The following RIPK2 variants were observed in gnomAD, a reference collection of about 807,000 sequenced individuals.
RIPK2 encodes receptor interacting serine/threonine kinase 2.
A neutral mutation model predicts 60.9 loss-of-function variants in RIPK2; 38 were observed. The ratio of observed to expected loss-of-function variants is 0.62; its 90% CI spans 0.48 to 0.82. The LOEUF is 0.82. Among genes scored for constraint, RIPK2 ranks in the 40% least tolerant of loss-of-function variants. RIPK2 has a pLI of 0.00. For missense variants in RIPK2, 518 were observed against 647.0 expected (o/e 0.80, Z 2.16); for synonymous variants, 225 against 223.4 (o/e 1.01, Z -0.06).
chr8:89,762,842 G>T lies in RIPK2; in HGVS notation c.187G>T (p.Val63Phe). ...TTTTTTTCTTAGTGAAAGAAAGGATGTCTTAAGAGAAGCTGAAATTTTACA... is the reference window on the plus strand; with the variant it reads ...TTTTTTTCTTAGTGAAAGAAAGGATTTCTTAAGAGAAGCTGAAATTTTACA... ...TPLLDSERKD[V>F]LREAEILHKA... Residue 63 changes from valine (V) to phenylalanine (F), a missense_variant, in exon 2 of 11, where the codon GTC (valine) becomes TTC (phenylalanine). Val to Phe is a conservative substitution (Grantham distance 50). Coordinates refer to ENST00000220751, the MANE Select transcript of RIPK2 (RefSeq NM_003821.6). 1 of 1,429,692 alleles carries T rather than the reference G, an allele frequency of 7.0e-7. No individual in the cohort carries two copies. 88.6% of individuals were successfully genotyped at this position (1,429,692 alleles called of 1,614,324 possible).
In RIPK2 at chr8:89,758,042, G is replaced by C. The variant is rs1000468543; in HGVS notation, c.-19G>C. ...CGCAGCAGGGGGCACACCCGGAACC[G>C]GCCTGAGCGCCCGGGACCATGAACG... On this transcript the variant is annotated 5_prime_UTR_variant, in exon 1 of 11. Transcript: ENST00000220751. 1 of 1,566,228 alleles carries C rather than the reference G, an allele frequency of 6.4e-7. No homozygotes were observed. The highest frequency in any genetic ancestry group is 1.2e-5 in the South Asian group (1 of 85,384).
At chr8:89,773,259 A>C (rs1293168411) in intron 6 of RIPK2, among the ~76,000 whole-genome samples, 2 of 152,140 alleles carry the variant, frequency 1.3e-5, no homozygotes. Flanking sequence ...TAGACTAATT[A>C]AGGGAGGGAA....
intron 7 of RIPK2, 96 bp downstream of exon 7, chr8:89,780,256 C>T: frequency 3.3e-6 from 2 of 602,592 alleles, no homozygotes; most frequent in Admixed American, 3.7e-5. Flanking sequence ...AATATATATA[C>T]TTTACACAGA....
chr8:89,765,170 A>G (rs1809207120), intron 2 of RIPK2, among the ~76,000 whole-genome samples, 171 bp from the exon 3 acceptor site: 1 of 152,104 alleles, frequency 6.6e-6, no homozygotes, highest in Non-Finnish European at 1.5e-5. Context: ...TGAGGAAAGT[A>G]AGACACAAAA....
chr8:89,785,385 G>A (rs1809569478), intron 8 of RIPK2, among the ~76,000 whole-genome samples: 1 of 151,972 alleles, frequency 6.6e-6, no homozygotes, highest in Non-Finnish European at 1.5e-5. Context: ...TGAGGCAGGA[G>A]AATTGCTTGA....
intron 3 of RIPK2, among the ~76,000 whole-genome samples, chr8:89,768,989 A>G (rs986760518): frequency 6.6e-6 from 1 of 151,820 alleles, no homozygotes. Flanking sequence ...TGTCAATTAA[A>G]TATTATTTCT....
At chr8:89,776,231 C>A (rs998855808) in intron 6 of RIPK2, among the ~76,000 whole-genome samples, 4 of 152,146 alleles carry the variant, frequency 2.6e-5, no homozygotes, top group African/African-American at 7.2e-5. Flanking sequence ...AGAATTCCTC[C>A]TATACTTCTC....
intron 7 of RIPK2, among the ~76,000 whole-genome samples, chr8:89,782,650 A>G (rs977597439): frequency 9.1e-4 from 139 of 152,250 alleles, no homozygotes; most frequent in Non-Finnish European, 1.5e-3. Flanking sequence ...TAAGAAAAAA[A>G]AAAAAAAAAT....
At chr8:89,764,426 G>C (rs536095602) in intron 2 of RIPK2, among the ~76,000 whole-genome samples, 1 of 152,128 alleles carries the variant, frequency 6.6e-6, no homozygotes, top group Admixed American at 6.6e-5. Context: ...ATAAGCTGAC[G>C]CATTTGCAGA....
intron 3 of RIPK2, 77 bp from the exon 4 acceptor site, chr8:89,769,695 G>A: frequency 1.1e-6 from 1 of 942,400 alleles, no homozygotes; most frequent in Non-Finnish European, 1.6e-6. Flanking sequence ...TAAATACAGT[G>A]AATATACAAA....
intron 3 of RIPK2, among the ~76,000 whole-genome samples, chr8:89,768,769 G>A (rs1809268323): frequency 6.6e-6 from 1 of 151,020 alleles, no homozygotes; most frequent in African/African-American, 2.4e-5. Flanking sequence ...CTCCTTTTTG[G>A]GAATGGAGGC....
At chr8:89,784,603 T>C (rs1809555442) in intron 8 of RIPK2, among the ~76,000 whole-genome samples, 1 of 152,222 alleles carries the variant, frequency 6.6e-6, no homozygotes, top group Admixed American at 6.5e-5. Flanking sequence ...ATATGTATGT[T>C]CATTTTACAG....
At chr8:89,771,957 G>A (rs1467940666) in intron 5 of RIPK2, among the ~76,000 whole-genome samples, 167 bp downstream of exon 5, 2 of 151,868 alleles carry the variant, frequency 1.3e-5, no homozygotes, top group African/African-American at 4.8e-5. Flanking sequence ...AAAATATACC[G>A]GGTTAAGGAT....
intron 6 of RIPK2, among the ~76,000 whole-genome samples, chr8:89,777,754 T>G (rs972859920): frequency 1.3e-5 from 2 of 152,186 alleles, no homozygotes; most frequent in African/African-American, 4.8e-5. Context: ...GACTGTTTCC[T>G]ATTTTCAGTG....
chr8:89,766,395 A>C (rs577722223), intron 3 of RIPK2, among the ~76,000 whole-genome samples: 1 of 151,772 alleles, frequency 6.6e-6, no homozygotes, highest in Non-Finnish European at 1.5e-5. Context: ...TTAGTTTTTA[A>C]AGAAAGTATC....
chr8:89,776,676 C>T (rs1007613671), intron 6 of RIPK2, among the ~76,000 whole-genome samples: 1 of 152,168 alleles, frequency 6.6e-6, no homozygotes, highest in Admixed American at 6.5e-5. Flanking sequence ...CTGGACCACA[C>T]TTTAAGAACC....
At chr8:89,778,524 T>A (rs1172390440) in intron 6 of RIPK2, among the ~76,000 whole-genome samples, 6 of 152,210 alleles carry the variant, frequency 3.9e-5, no homozygotes, top group Non-Finnish European at 8.8e-5. Context: ...CTTTCTAGAT[T>A]TGCCTTTTCT....
rs575233192 is a variant in RIPK2, at chr8:89,778,958, T to A, written c.854-1117T>A. Reference sequence around the variant, plus strand: ...GAGGTTTTCATTTTCTCCACGTCACTGTCAACACTTCTTATTTTCCTTTTA... The same window carrying A: ...GAGGTTTTCATTTTCTCCACGTCACAGTCAACACTTCTTATTTTCCTTTTA... On this transcript the variant is annotated intron_variant, in intron 6 of 10. Transcript: ENST00000220751. Among the ~76,000 whole-genome samples, 59 of 152,360 alleles carry A rather than the reference T, an allele frequency of 3.9e-4. 1 individual carries two copies. Among genetic ancestry groups the A allele is most frequent in the African/African-American group, 1.3e-3 (55 of 41,598 alleles).
At chr8:89,766,210 A>G (rs1809227324) in intron 3 of RIPK2, among the ~76,000 whole-genome samples, 1 of 151,880 alleles carries the variant, frequency 6.6e-6, no homozygotes, top group African/African-American at 2.4e-5. Flanking sequence ...ATTCCACAGT[A>G]TAAATGTACC....
Sources: gnomAD v4.1 joint callset for allele counts (sites outside exome capture counted in the v4.1 genomes callset) on GRCh38, gnomAD v4.1.1 for gene constraint, MANE v1.5 for transcripts, NCBI Gene and HGNC (gene_info 2026-07-23, HGNC 2026-07-21) for gene names.